BUB1B: variants seen among roughly 807,000 people sequenced by gnomAD.
BUB1B encodes the protein mitotic checkpoint serine/threonine-protein kinase BUB1 beta.
In BUB1B, 86 loss-of-function variants were observed where a neutral mutation model predicts 137.7. That is an observed-to-expected ratio of 0.62 (90% CI 0.52 to 0.75). The LOEUF (loss-of-function observed/expected upper bound fraction) is 0.75. Among genes scored for constraint, BUB1B ranks in the 30% least tolerant of loss-of-function variants. BUB1B has a pLI of 0.00. For missense variants in BUB1B, 1,130 were observed against 1,236.9 expected (o/e 0.91, Z 1.30); for synonymous variants, 420 against 417.9 (o/e 1.00, Z -0.06).
intron 14 of BUB1B, 75 bp downstream of exon 14, chr15:40,202,769 T>G: frequency 7.8e-7 from 1 of 1,279,730 alleles, no homozygotes; most frequent in Non-Finnish European, 1.1e-6. Flanking sequence ...AGCTTAAGGT[T>G]AAAATTGAAA....
chr15:40,214,838 C>T (rs1449409056), intron 20 of BUB1B, among the ~76,000 whole-genome samples: 1 of 139,820 alleles, frequency 7.2e-6, no homozygotes, highest in Admixed American at 7.1e-5. Context: ...CCTATTCCCC[C>T]CCACCCACCC....
chr15:40,169,240 AG>A (rs2037133841), intron 2 of BUB1B, among the ~76,000 whole-genome samples: 1 of 152,154 alleles, frequency 6.6e-6, no homozygotes, highest in Admixed American at 6.5e-5. Context: ...AATTATTTAT[AG>A]TATTATTCTT....
intron 5 of BUB1B, among the ~76,000 whole-genome samples, chr15:40,181,093 ATTT>A (rs372589327): frequency 8.7e-5 from 12 of 137,830 alleles, no homozygotes; most frequent in Non-Finnish European, 4.7e-5. Flanking sequence ...TCTAGATGTG[ATTT>A]TTTTTTTTTT....
chr15:40,164,001 A>G (rs750067142), intron 1 of BUB1B, among the ~76,000 whole-genome samples: 4 of 152,196 alleles, frequency 2.6e-5, no homozygotes, highest in Admixed American at 6.5e-5. Context: ...ATAGTCTTCT[A>G]TCTAACCATT....
chr15:40,195,978 A>G (rs1046098566), intron 8 of BUB1B, among the ~76,000 whole-genome samples: 1 of 152,014 alleles, frequency 6.6e-6, no homozygotes, highest in Non-Finnish European at 1.5e-5. Context: ...GAAGCTTTTT[A>G]GTTTAGTTTA....
chr15:40,172,851 T>C (rs767564986), intron 4 of BUB1B, among the ~76,000 whole-genome samples: 4 of 152,220 alleles, frequency 2.6e-5, no homozygotes, highest in Admixed American at 2.6e-4. Flanking sequence ...CAGAAACTTA[T>C]AATGAAGAAT....
chr15:40,201,193 T>C (rs2037564700), intron 12 of BUB1B, among the ~76,000 whole-genome samples: 1 of 152,180 alleles, frequency 6.6e-6, no homozygotes, highest in African/African-American at 2.4e-5. Flanking sequence ...TTTGGTTTAA[T>C]TGTAATTTTA....
chr15:40,184,011 A>G (rs933678652), intron 6 of BUB1B, 128 bp downstream of exon 6: 4 of 962,936 alleles, frequency 4.2e-6, no homozygotes, highest in African/African-American at 3.3e-5. Context: ...AAAAGAAGGA[A>G]GTCAAAGGAG....
rs777141944 is a variant in BUB1B, at chr15:40,165,071, G to C, written c.54G>C (p.Glu18Asp). 3.1e-6 allele frequency: 5 copies of C among 1,614,164 alleles called. No individual in the cohort carries two copies. The highest frequency in any genetic ancestry group is 4.2e-6 in the Non-Finnish European group (5 of 1,180,034). ...GGALSEAMSL[E>D]GDEWELSKEN... Reference sequence around the variant, plus strand: ...TTCACAGTGAAGCCATGTCCCTGGAGGGAGATGAATGGGAACTGAGTAAAG... The same window carrying C: ...TTCACAGTGAAGCCATGTCCCTGGACGGAGATGAATGGGAACTGAGTAAAG... Residue 18 changes from glutamate (E) to aspartate (D), a missense_variant, in exon 2 of 23, where the codon GAG becomes GAC. Glu to Asp is a conservative substitution (Grantham distance 45, BLOSUM62 2). Coordinates refer to ENST00000287598, the MANE Select transcript of BUB1B (RefSeq NM_001211.6).
intron 4 of BUB1B, among the ~76,000 whole-genome samples, chr15:40,176,209 G>A (rs1020770076): frequency 5.3e-5 from 8 of 152,012 alleles, no homozygotes; most frequent in South Asian, 2.1e-4. Context: ...CTCCTACCTC[G>A]GCCTCACAAA....
chr15:40,193,755 G>C (rs185518587), intron 8 of BUB1B, among the ~76,000 whole-genome samples: 1 of 152,090 alleles, frequency 6.6e-6, no homozygotes, highest in African/African-American at 2.4e-5. Flanking sequence ...TTAGCTGGGC[G>C]TGGTGGCAGG....
chr15:40,213,176 T>C (rs547974695), intron 19 of BUB1B, among the ~76,000 whole-genome samples, 156 bp from the exon 20 acceptor site: 16 of 152,328 alleles, frequency 1.1e-4, no homozygotes, highest in African/African-American at 3.8e-4. Flanking sequence ...GAGATGGCAG[T>C]GTTATTAAAA....
At position 40,173,318 on chromosome 15, in the gene BUB1B, G is replaced by A. The variant is rs949914203; in HGVS notation, c.384+2637G>A. Reference sequence around the variant, plus strand: ...GATAAAAAAAAAAAAAAAAAAAAAAGATTGGACTAGCTGCACCTCTAAAGT... The same window carrying A: ...GATAAAAAAAAAAAAAAAAAAAAAAAATTGGACTAGCTGCACCTCTAAAGT... On this transcript the variant is annotated intron_variant, in intron 4 of 22. Coordinates refer to ENST00000287598, the MANE Select transcript of BUB1B (RefSeq NM_001211.6). Among the ~76,000 whole-genome samples, 373 of 118,990 alleles carry A rather than the reference G, an allele frequency of 3.1e-3. 2 individuals carry two copies. Among genetic ancestry groups the A allele is most frequent in the Non-Finnish European group, 4.9e-3 (269 of 55,068 alleles). The allele number at this position is 118,990 out of a possible 152,430, so 78.1% of individuals were successfully genotyped here.
At chr15:40,175,111 A>G (rs1226334719) in intron 4 of BUB1B, among the ~76,000 whole-genome samples, 1 of 152,234 alleles carries the variant, frequency 6.6e-6, no homozygotes, top group Non-Finnish European at 1.5e-5. Context: ...CTCAGAAAGC[A>G]ATTTGTTACC....
At chr15:40,161,279 G>A (rs1417820282) in intron 1 of BUB1B, 24 bp downstream of exon 1, 2 of 1,609,094 alleles carry the variant, frequency 1.2e-6, no homozygotes, top group African/African-American at 2.7e-5. Context: ...AAAGCTGCTG[G>A]GGGCTGGGCC....
chr15:40,176,332 C>T, intron 4 of BUB1B, 145 bp from the exon 5 acceptor site: 1 of 796,732 alleles, frequency 1.3e-6, no homozygotes, highest in Admixed American at 2.1e-5. Context: ...TTTAGGTCCT[C>T]CCAGTATGGT....
At chr15:40,188,933 G>A (rs906089007) in intron 8 of BUB1B, among the ~76,000 whole-genome samples, 2 of 151,168 alleles carry the variant, frequency 1.3e-5, no homozygotes, top group African/African-American at 4.9e-5. Flanking sequence ...ATATAATTCC[G>A]TGGCTTTTAG....
intron 5 of BUB1B, 111 bp from the exon 6 acceptor site, chr15:40,183,603 C>A: frequency 1.1e-6 from 1 of 923,402 alleles, no homozygotes; most frequent in Non-Finnish European, 1.8e-6. Context: ...GATATTTCTG[C>A]ATTCTTCCCC....
rs2037037433 is a variant in BUB1B, at chr15:40,161,108, G to A, written c.-113G>A. The A allele has an allele frequency of 9.2e-6, 13 of 1,405,502 alleles. No homozygotes were observed. The highest frequency in any genetic ancestry group is 1.4e-5 in the African/African-American group (1 of 69,642). The allele number at this position is 1,405,502 out of a possible 1,614,324, so 87.1% of individuals were successfully genotyped here. A position where few individuals can be genotyped will look rare whatever the true frequency, so the allele number is the denominator to read the frequency against. ...GCCGGTTTGTTAGGGAGTCGTGTAC[G>A]TGCCTTGGTCGCTTCTGTAGCTCCG... On this transcript the variant is annotated 5_prime_UTR_variant, in exon 1 of 23. It adds an upstream start codon to the 5' untranslated region. Transcript: ENST00000287598.
Sources: gnomAD v4.1 joint callset for allele counts (sites outside exome capture counted in the v4.1 genomes callset) on GRCh38, gnomAD v4.1.1 for gene constraint, MANE v1.5 for transcripts, NCBI Gene and HGNC (gene_info 2026-07-23, HGNC 2026-07-21) for gene names.